The following NFKBIE variants were observed in gnomAD, a reference collection of about 807,000 sequenced individuals.
The protein encoded by NFKBIE is NF-kappa-B inhibitor epsilon.
Under a neutral mutation model 31.6 loss-of-function variants are expected in NFKBIE, and 11 were observed. That is an observed-to-expected ratio of 0.35 (90% CI 0.22 to 0.58). The LOEUF is 0.58. Ranked by LOEUF, NFKBIE falls within the 20% of genes least tolerant of loss-of-function variation. The probability of loss-of-function intolerance (pLI) is 0.83; values close to 1 mark genes in which losing one functional copy is unlikely to be tolerated. For synonymous variants in NFKBIE, 208 were observed against 210.1 expected (o/e 0.99, Z 0.09); for missense variants, 354 against 465.7 (o/e 0.76, Z 2.21).
chr6:44,258,987 G>A lies in NFKBIE; in HGVS notation c.*232C>T. On this transcript the variant is annotated 3_prime_UTR_variant, in exon 6 of 6. Transcript: ENST00000619360. Reference sequence around the variant, plus strand: ...CACCCAGGATACCTGGGGCTTTGGGGGTCTTCCAAGAAGCCCTGTCCACCT... The same window carrying A: ...CACCCAGGATACCTGGGGCTTTGGGAGTCTTCCAAGAAGCCCTGTCCACCT... 2 of 402,476 alleles carry A rather than the reference G, an allele frequency of 5.0e-6. No individual in the cohort carries two copies. Among genetic ancestry groups the A allele is most frequent in the Non-Finnish European group, 4.7e-6 (1 of 213,876 alleles). 24.9% of individuals were successfully genotyped at this position (402,476 alleles called of 1,614,324 possible).
chr6:44,260,872 C>CACACAG lies in NFKBIE; in HGVS notation c.692-334_692-333insCTGTGT. Among the ~76,000 whole-genome samples, 1 of 135,816 alleles carries CACACAG rather than the reference C, an allele frequency of 7.4e-6. No individual in the cohort carries two copies. The highest frequency in any genetic ancestry group is 1.7e-5 in the Non-Finnish European group (1 of 59,894). 89.1% of individuals were successfully genotyped at this position (135,816 alleles called of 152,430 possible). A position where few individuals can be genotyped will look rare whatever the true frequency, so the allele number is the denominator to read the frequency against. On this transcript the variant is annotated intron_variant, in intron 3 of 5. Coordinates refer to ENST00000619360, the MANE Select transcript of NFKBIE (RefSeq NM_004556.3). The surrounding 1 kb of genome is among the most constrained non-coding windows in gnomAD (Gnocchi z 5.5). ...ACACACACATACAGACACACACACA[C>CACACAG]ACACACACACACACACACAACCTGC...
rs898392163 is a variant in NFKBIE, at chr6:44,261,395, T to G, written c.691+231A>C. Among the ~76,000 whole-genome samples the G allele has an allele frequency of 1.2e-4, 19 of 152,258 alleles. No individual in the cohort carries two copies. Among genetic ancestry groups the G allele is most frequent in the Admixed American group, 1.0e-3 (16 of 15,292 alleles). ...TCTAATCTCTATTAAACTAAGTATCTTAAGGGCAAGATTTAGTTTTCTTCT... is the reference window on the plus strand; with the variant it reads ...TCTAATCTCTATTAAACTAAGTATCGTAAGGGCAAGATTTAGTTTTCTTCT... On this transcript the variant is annotated intron_variant, in intron 3 of 5. Transcript: ENST00000619360. The surrounding 1 kb of genome is among the most constrained non-coding windows in gnomAD (Gnocchi z 4.3).
At chr6:44,262,183 G>A (rs1373538590) in intron 2 of NFKBIE, among the ~76,000 whole-genome samples, 1 of 152,174 alleles carries the variant, frequency 6.6e-6, no homozygotes, top group Admixed American at 6.5e-5. Flanking sequence ...GGGTTAGGCT[G>A]CAGGAGGAAA....
In NFKBIE at chr6:44,265,498, G is replaced by A. The variant is rs777228950; in HGVS notation, c.-152C>T. 8.2e-5 allele frequency: 126 copies of A among 1,538,404 alleles called. No individual in the cohort carries two copies. Among genetic ancestry groups the A allele is most frequent in the Middle Eastern group, 6.2e-4 (3 of 4,828 alleles). Reference sequence around the variant, plus strand: ...CGGGCTGTGGGGCTCCGAGGGGCCGGCGCGCAGCGAGGACAAGGTTCGGAG... The same window carrying A: ...CGGGCTGTGGGGCTCCGAGGGGCCGACGCGCAGCGAGGACAAGGTTCGGAG... On this transcript the variant is annotated 5_prime_UTR_variant, in exon 1 of 6. Transcript: ENST00000619360.
rs1230651892 is a variant in NFKBIE at position 44,259,145 on chromosome 6, C to G, written c.*74G>C. ...ACCAGAAGAGCACATAGCCTGGGCC[C>G]AAACTGCAGCAGTTATGGCTCCGGC... On this transcript the variant is annotated 3_prime_UTR_variant, in exon 6 of 6. Coordinates refer to ENST00000619360, the MANE Select transcript of NFKBIE (RefSeq NM_004556.3). 1 of 1,526,354 alleles carries G rather than the reference C, an allele frequency of 6.6e-7. No homozygotes were observed. Among genetic ancestry groups the G allele is most frequent in the African/African-American group, 1.4e-5 (1 of 73,282 alleles). 94.6% of individuals were successfully genotyped at this position (1,526,354 alleles called of 1,614,324 possible). A position where few individuals can be genotyped will look rare whatever the true frequency, so the allele number is the denominator to read the frequency against.
rs377718652 is a variant in NFKBIE, at chr6:44,258,686, CTT to C, written c.*531_*532del. 164 of 153,250 alleles carry C rather than the reference CTT, an allele frequency of 1.1e-3. 3 individuals carry two copies. The South Asian group carries it at 0.023, about 21-fold the overall frequency. The allele number at this position is 153,250 out of a possible 1,614,324, so 9.5% of individuals were successfully genotyped here. On this transcript the variant is annotated 3_prime_UTR_variant, in exon 6 of 6. Coordinates refer to ENST00000619360, the MANE Select transcript of NFKBIE (RefSeq NM_004556.3). ...GCAAAACAGCTCTAGAAGGGAAAAA[CTT>C]TTTTTAACGTCTCTGCCATTTTAGT...
rs1583008257 is a variant in NFKBIE, at chr6:44,260,383, A to T, written c.780+68T>A. On this transcript the variant is annotated intron_variant, in intron 4 of 5. Transcript: ENST00000619360. This position sits in a 1 kb window ranked among gnomAD's most constrained non-coding sequence, Gnocchi z 5.5. Reference sequence around the variant, plus strand: ...ATGCCACCACTTCTGACTGCTGGGCAGGGGACTTGGGGATGTGTCAGGTGG... The same window carrying T: ...ATGCCACCACTTCTGACTGCTGGGCTGGGGACTTGGGGATGTGTCAGGTGG... The T allele has an allele frequency of 6.2e-7, 1 of 1,613,286 alleles. No individual in the cohort carries two copies. Among genetic ancestry groups the T allele is most frequent in the Non-Finnish European group, 8.5e-7 (1 of 1,179,312 alleles).
chr6:44,265,211 G>C lies in NFKBIE; in HGVS notation c.136C>G (p.Gln46Glu). The C allele has an allele frequency of 6.4e-7, 1 of 1,551,842 alleles. No individual in the cohort carries two copies. The highest frequency in any genetic ancestry group is 2.4e-5 in the East Asian group (1 of 40,970). Residue 46 changes from glutamine (Q) to glutamate (E), a missense_variant, in exon 1 of 6, where the codon CAG (glutamine) becomes GAG (glutamate). By Grantham distance (29) the Gln-to-Glu change is conservative (BLOSUM62 2). Around this residue, in one of 2 missense-constraint regions of NFKBIE, gnomAD observed 171 missense variants for 155.1 expected, o/e 1.10. Coordinates refer to ENST00000619360, the MANE Select transcript of NFKBIE (RefSeq NM_004556.3). The part of the protein sequence containing the change: ...PASGPSDGSP[Q>E]PCTHPPGPVK... ...GGTCCCGGAGGATGGGTGCAGGGCT[G>C]GGGGCTGCCGTCCGAGGGCCCGGAG...
At position 44,265,505 on chromosome 6, in the gene NFKBIE, G is replaced by C; in HGVS notation, c.-159C>G. On this transcript the variant is annotated 5_prime_UTR_variant, in exon 1 of 6. Transcript: ENST00000619360. Reference sequence around the variant, plus strand: ...TGGGGCTCCGAGGGGCCGGCGCGCAGCGAGGACAAGGTTCGGAGCGCTGGC... The same window carrying C: ...TGGGGCTCCGAGGGGCCGGCGCGCACCGAGGACAAGGTTCGGAGCGCTGGC... 1 of 1,544,840 alleles carries C rather than the reference G, an allele frequency of 6.5e-7. No homozygotes were observed.
chr6:44,259,560 T>G (rs1781816931), intron 5 of NFKBIE, among the ~76,000 whole-genome samples: 2 of 150,616 alleles, frequency 1.3e-5, no homozygotes, highest in African/African-American at 4.9e-5. Flanking sequence ...GGACCTGGAG[T>G]TGTTTGTTGT....
At position 44,260,586 on chromosome 6, in the gene NFKBIE, C is replaced by T; in HGVS notation, c.692-47G>A. Reference sequence around the variant, plus strand: ...GGTGAGGGCTGCTGATCTGCATCCACCAACTCCCTCTCTTCTGGGACCTCC... The same window carrying T: ...GGTGAGGGCTGCTGATCTGCATCCATCAACTCCCTCTCTTCTGGGACCTCC... On this transcript the variant is annotated intron_variant, in intron 3 of 5. Coordinates refer to ENST00000619360, the MANE Select transcript of NFKBIE (RefSeq NM_004556.3). This position sits in a 1 kb window ranked among gnomAD's most constrained non-coding sequence, Gnocchi z 5.5. 6.3e-7 allele frequency: 1 copy of T among 1,575,176 alleles called. No individual in the cohort carries two copies. Among genetic ancestry groups the T allele is most frequent in the Non-Finnish European group, 8.7e-7 (1 of 1,144,992 alleles).
Position 44,259,032 on chromosome 6 carries a change from A to G in NFKBIE, c.*187T>C. 1.9e-6 allele frequency: 1 copy of G among 522,950 alleles called. No individual in the cohort carries two copies. The highest frequency in any genetic ancestry group is 3.5e-6 in the Non-Finnish European group (1 of 288,858). The allele number at this position is 522,950 out of a possible 1,614,324, so 32.4% of individuals were successfully genotyped here. A position where few individuals can be genotyped will look rare whatever the true frequency, so the allele number is the denominator to read the frequency against. ...CCACCTGGAAAGCTCTTCCTTCCAG[A>G]CTGGCTCTCTTCCACTTGCAGTCCC... On this transcript the variant is annotated 3_prime_UTR_variant, in exon 6 of 6. Coordinates refer to ENST00000619360, the MANE Select transcript of NFKBIE (RefSeq NM_004556.3).
chr6:44,260,440 G>A lies in NFKBIE; in HGVS notation c.780+11C>T, dbSNP rs766316952. 1.9e-6 allele frequency: 3 copies of A among 1,614,034 alleles called. No individual in the cohort carries two copies. The East Asian group carries it at 6.7e-5, about 36-fold the overall frequency. On this transcript the variant is annotated intron_variant, in intron 4 of 5. Coordinates refer to ENST00000619360, the MANE Select transcript of NFKBIE (RefSeq NM_004556.3). The surrounding 1 kb of genome is among the most constrained non-coding windows in gnomAD (Gnocchi z 5.5). Reference sequence around the variant, plus strand: ...GCCCTGGGCCGGGCAGTGCTTTGCTGGCTGTCTCACCTGCACATCAATGTC... The same window carrying A: ...GCCCTGGGCCGGGCAGTGCTTTGCTAGCTGTCTCACCTGCACATCAATGTC...
Position 44,265,000 on chromosome 6 carries a change from ATG to A in NFKBIE, c.345_346del (p.Ile116LeufsTer15). On this transcript the variant is annotated frameshift_variant, in exon 1 of 6. Transcript: ENST00000619360. LOFTEE classifies it high-confidence loss of function. ...TACTCACGTGTCTCCGTCCTCGGAGATGTAAGTGAGTGCTTCCAGCTGCTGAG... is the reference window on the plus strand; with the variant it reads ...TACTCACGTGTCTCCGTCCTCGGAGATAAGTGAGTGCTTCCAGCTGCTGAG... 6.3e-7 allele frequency: 1 copy of A among 1,578,294 alleles called. No homozygotes were observed. The highest frequency in any genetic ancestry group is 8.6e-7 in the Non-Finnish European group (1 of 1,162,250).
chr6:44,264,905 TG>T, intron 1 of NFKBIE, 76 bp downstream of exon 1: 1 of 1,468,020 alleles, frequency 6.8e-7, no homozygotes, highest in Non-Finnish European at 9.2e-7. Context: ...CACGGGGGAG[TG>T]GGGGTGCCCG....
At chr6:44,262,746 C>T in intron 1 of NFKBIE, 84 bp from the exon 2 acceptor site, 1 of 1,009,006 alleles carries the variant, frequency 9.9e-7, no homozygotes, top group Admixed American at 1.9e-5. Context: ...AGGAACACAT[C>T]AAACTTTAAC....
rs750031876 is a variant in NFKBIE at position 44,261,725 on chromosome 6, G to A, written c.592C>T (p.Arg198Cys). The A allele has an allele frequency of 1.9e-6, 3 of 1,613,958 alleles. No individual in the cohort carries two copies. The highest frequency in any genetic ancestry group is 2.2e-5 in the East Asian group (1 of 44,898). The change falls in exon 3 of 6, where the codon CGC (arginine) becomes TGC (cysteine). Residue 198 changes from arginine to cysteine, a missense_variant. Around this residue, in one of 2 missense-constraint regions of NFKBIE, gnomAD observed 183 missense variants for 310.6 expected, o/e 0.59. Transcript: ENST00000619360. The surrounding 1 kb of genome is among the most constrained non-coding windows in gnomAD (Gnocchi z 4.3). The part of the protein sequence containing the change: ...GDTALHVACQ[R>C]QHLACARCLL... ...CAGCGGGCACAGGCCAAGTGCTGGC[G>A]CTGGCAGGCCACATGAAGGGCTGTG...
intron 1 of NFKBIE, among the ~76,000 whole-genome samples, chr6:44,264,042 C>A (rs1312143512): frequency 6.6e-6 from 1 of 152,100 alleles, no homozygotes; most frequent in Admixed American, 6.5e-5. Context: ...TCAATGGCCA[C>A]CCAGGATTAG....
Position 44,263,486 on chromosome 6 carries a change from C to T in NFKBIE, c.366-824G>A, listed in dbSNP as rs1417954210. 4.6e-5 allele frequency among the ~76,000 whole-genome samples: 7 copies of T among 151,780 alleles called. No homozygotes were observed. Among genetic ancestry groups the T allele is most frequent in the African/African-American group, 1.5e-4 (6 of 41,252 alleles). Reference sequence around the variant, plus strand: ...AGGGGGGTAGATTGGCTAAAAGGCCCGTCTGGGCTGGGGAGGGGGCTGCTT... The same window carrying T: ...AGGGGGGTAGATTGGCTAAAAGGCCTGTCTGGGCTGGGGAGGGGGCTGCTT... On this transcript the variant is annotated intron_variant, in intron 1 of 5. Transcript: ENST00000619360. The surrounding 1 kb of genome is among the most constrained non-coding windows in gnomAD (Gnocchi z 5.0).
Sources: gnomAD v4.1 joint callset for allele counts (sites outside exome capture counted in the v4.1 genomes callset) on GRCh38, gnomAD v4.1.1 for gene constraint, gnomAD v4.1.1 regional missense constraint, Gnocchi (gnomAD v3.1) non-coding constraint, MANE v1.5 for transcripts, NCBI Gene and HGNC (gene_info 2026-07-23, HGNC 2026-07-21) for gene names.